Variants in PTPRM observed in about 807,000 individuals in gnomAD.
PTPRM encodes the protein protein tyrosine phosphatase receptor type M.
A neutral mutation model predicts 186.7 loss-of-function variants in PTPRM; 47 were observed. The ratio of observed to expected loss-of-function variants is 0.25; its 90% CI spans 0.20 to 0.32. PTPRM has a LOEUF of 0.32. PTPRM is among the 10% of genes least tolerant of loss of function. The probability of loss-of-function intolerance (pLI) is 1.00; values close to 1 mark genes in which losing one functional copy is unlikely to be tolerated. For missense variants in PTPRM, 1,494 were observed against 1,865.0 expected (o/e 0.80, Z 3.66); for synonymous variants, 668 against 674.9 (o/e 0.99, Z 0.16).
intron 7 of PTPRM, among the ~76,000 whole-genome samples, chr18:7,961,369 T>G (rs1405102149): frequency 2.6e-5 from 4 of 152,202 alleles, no homozygotes; most frequent in Admixed American, 1.3e-4. Context: ...AGTGGAATCA[T>G]GCAGTATTTG....
intron 1 of PTPRM, among the ~76,000 whole-genome samples, chr18:7,687,833 A>G (rs2039639795): frequency 6.7e-6 from 1 of 148,578 alleles, no homozygotes; most frequent in African/African-American, 2.5e-5. Flanking sequence ...ACTGGAGTGC[A>G]GTGGTGCAAT....
intron 7 of PTPRM, among the ~76,000 whole-genome samples, chr18:7,977,752 AGCTCATGTTGCTTTGTGCAT>A (rs1048999750): frequency 1.5e-5 from 2 of 137,190 alleles, no homozygotes; most frequent in African/African-American, 5.7e-5. Flanking sequence ...AAGAACACAA[AGCTCATGTTGCTTTGTGCAT>A]GCTTTGCTTT....
At chr18:8,179,860 A>G (rs1374086695) in intron 14 of PTPRM, among the ~76,000 whole-genome samples, 1 of 152,220 alleles carries the variant, frequency 6.6e-6, no homozygotes, top group Non-Finnish European at 1.5e-5. Context: ...TATTTTCTTT[A>G]TAACCTTCCT....
In PTPRM at chr18:7,824,427, C is replaced by CTG. The variant is rs10565296; in HGVS notation, c.196+50174_196+50175dup. 7.9e-3 allele frequency among the ~76,000 whole-genome samples: 1,191 copies of CTG among 150,318 alleles called. 10 individuals carry two copies. Among genetic ancestry groups the CTG allele is most frequent in the African/African-American group, 0.021 (839 of 40,750 alleles). Reference sequence around the variant, plus strand: ...GACGTGGTGATGTGGTTGGATTTTCCTGTGTGTGTGTGTGTGTGTTTTTTC... The same window carrying CTG: ...GACGTGGTGATGTGGTTGGATTTTCCTGTGTGTGTGTGTGTGTGTGTTTTTTC... On this transcript the variant is annotated intron_variant, in intron 2 of 32. Transcript: ENST00000580170.
At chr18:7,783,597 G>C (rs2042955782) in intron 2 of PTPRM, among the ~76,000 whole-genome samples, 1 of 151,946 alleles carries the variant, frequency 6.6e-6, no homozygotes, top group South Asian at 2.1e-4. Flanking sequence ...TTAGAGATGG[G>C]GTCTTGCTTT....
intron 13 of PTPRM, among the ~76,000 whole-genome samples, chr18:8,117,981 C>G (rs191598917): frequency 2.9e-3 from 448 of 152,120 alleles, no homozygotes; most frequent in African/African-American, 0.01. Context: ...TTTTCTTTAG[C>G]TTTTATATTC....
At chr18:7,877,049 G>C (rs2048279918) in intron 2 of PTPRM, among the ~76,000 whole-genome samples, 1 of 152,060 alleles carries the variant, frequency 6.6e-6, no homozygotes, top group Non-Finnish European at 1.5e-5. Flanking sequence ...GTAAGTGTTA[G>C]CTATTATCAA....
intron 19 of PTPRM, among the ~76,000 whole-genome samples, chr18:8,259,103 C>T (rs1383880936): frequency 1.3e-5 from 2 of 152,100 alleles, no homozygotes; most frequent in African/African-American, 4.8e-5. Context: ...CTTGCACGAC[C>T]ATGCCCGGCT....
At chr18:8,165,080 A>G (rs1014367249) in intron 14 of PTPRM, among the ~76,000 whole-genome samples, 1 of 151,804 alleles carries the variant, frequency 6.6e-6, no homozygotes, top group Non-Finnish European at 1.5e-5. Context: ...GAGGCAGGAG[A>G]ATTGCTTGAA....
intron 7 of PTPRM, among the ~76,000 whole-genome samples, chr18:8,044,875 G>A (rs1256054970): frequency 2.0e-5 from 3 of 152,128 alleles, no homozygotes; most frequent in Non-Finnish European, 2.9e-5. Context: ...GCCAGGATGT[G>A]GAAAAATTGA....
chr18:7,798,413 C>T (rs1345728827), intron 2 of PTPRM, among the ~76,000 whole-genome samples: 2 of 151,864 alleles, frequency 1.3e-5, no homozygotes, highest in Non-Finnish European at 1.5e-5. Context: ...CCTGTAATTC[C>T]AGCTACTCAG....
intron 1 of PTPRM, among the ~76,000 whole-genome samples, chr18:7,761,893 G>A (rs1268699424): frequency 6.6e-6 from 1 of 152,190 alleles, no homozygotes; most frequent in Non-Finnish European, 1.5e-5. Flanking sequence ...TTCCTTTGAT[G>A]TAGCCAGAGT....
chr18:7,960,528 A>G (rs1187075768), intron 7 of PTPRM, among the ~76,000 whole-genome samples: 2 of 150,152 alleles, frequency 1.3e-5, no homozygotes, highest in African/African-American at 4.9e-5. Flanking sequence ...AGGCAGGAGG[A>G]CTGCTTGATA....
In PTPRM at chr18:8,263,952, G is replaced by A. The variant is rs574061408; in HGVS notation, c.2754+10538G>A. On this transcript the variant is annotated intron_variant, in intron 19 of 32. Transcript: ENST00000580170. Reference sequence around the variant, plus strand: ...TAGTGAATAAATTAAACCTAAGGAGGATGTCATAGGAACCTTGATTGATAG... The same window carrying A: ...TAGTGAATAAATTAAACCTAAGGAGAATGTCATAGGAACCTTGATTGATAG... Among the ~76,000 whole-genome samples, 5 of 152,308 alleles carry A rather than the reference G, an allele frequency of 3.3e-5. 1 individual carries two copies. In the South Asian group the frequency reaches 1.0e-3, roughly 32 times the overall value.
intron 1 of PTPRM, among the ~76,000 whole-genome samples, chr18:7,590,369 G>A (rs1169007530): frequency 6.6e-6 from 1 of 152,164 alleles, no homozygotes; most frequent in Non-Finnish European, 1.5e-5. Flanking sequence ...TGTTCCCAGG[G>A]TGATGGGTCA....
chr18:8,343,060 AT>A (rs2095484212), intron 22 of PTPRM, among the ~76,000 whole-genome samples: 1 of 152,188 alleles, frequency 6.6e-6, no homozygotes, highest in Admixed American at 6.6e-5. Flanking sequence ...ATATCTGCTA[AT>A]TGTTAGCAGA....
rs548696895 is a variant in PTPRM at position 8,188,210 on chromosome 18, G to A, written c.2300+44431G>A. Among the ~76,000 whole-genome samples, 10 of 152,312 alleles carry A rather than the reference G, an allele frequency of 6.6e-5. No homozygotes were observed. The East Asian group carries it at 1.5e-3, about 24-fold the overall frequency. ...AAAATCCAGAAGCACATAGTTCAGC[G>A]TAAAGCTAATCACAGTTGTGCATAA... On this transcript the variant is annotated intron_variant, in intron 14 of 32. Coordinates refer to ENST00000580170, the MANE Select transcript of PTPRM (RefSeq NM_001105244.2).
At position 8,039,493 on chromosome 18, in the gene PTPRM, A is replaced by G. The variant is rs147625217; in HGVS notation, c.1133-30193A>G. On this transcript the variant is annotated intron_variant, in intron 7 of 32. Coordinates refer to ENST00000580170, the MANE Select transcript of PTPRM (RefSeq NM_001105244.2). ...GTAGGGATTATCTTTATTATTTAAA[A>G]TGTGGTATTTGATACCTGCTAAGTT... Among the ~76,000 whole-genome samples, 1,436 of 152,290 alleles carry G rather than the reference A, an allele frequency of 9.4e-3. 24 individuals carry two copies. Among genetic ancestry groups the G allele is most frequent in the African/African-American group, 0.032 (1,329 of 41,562 alleles).
intron 19 of PTPRM, among the ~76,000 whole-genome samples, chr18:8,268,603 A>G (rs999421302): frequency 6.6e-6 from 1 of 152,106 alleles, no homozygotes; most frequent in Non-Finnish European, 1.5e-5. Context: ...CCCTGATCCA[A>G]AGCCAGATAA....
Sources: allele counts gnomAD v4.1 joint callset (sites outside exome capture counted in the v4.1 genomes callset), GRCh38; gene constraint gnomAD v4.1.1; transcripts MANE v1.5; gene names NCBI Gene and HGNC (gene_info 2026-07-23, HGNC 2026-07-21).